Variants in PNPLA7 observed in about 807,000 individuals in gnomAD.
The protein encoded by PNPLA7 is patatin like domain 7, lysophospholipase.
PNPLA7 carries 153 observed loss-of-function variants against 161.7 expected under a neutral mutation model. The ratio of observed to expected loss-of-function variants is 0.95; its 90% CI spans 0.83 to 1.08. The LOEUF (loss-of-function observed/expected upper bound fraction) is 1.08. PNPLA7 is among the 50% of genes least tolerant of loss of function. The pLI, the probability that PNPLA7 is intolerant of heterozygous loss-of-function variation, is 0.00. For missense variants in PNPLA7, 1,739 were observed against 1,856.6 expected (o/e 0.94, Z 1.16); for synonymous variants, 809 against 782.1 (o/e 1.03, Z -0.57).
chr9:137,470,449 G>A (rs987493702), intron 25 of PNPLA7, among the ~76,000 whole-genome samples: 1 of 152,084 alleles, frequency 6.6e-6, no homozygotes, highest in Non-Finnish European at 1.5e-5. Context: ...CTGGCTGAGC[G>A]CAGCGGCTCA....
chr9:137,473,986 C>T (rs935529941), intron 25 of PNPLA7, among the ~76,000 whole-genome samples: 1 of 152,200 alleles, frequency 6.6e-6, no homozygotes, highest in Non-Finnish European at 1.5e-5. Flanking sequence ...CACCTGTAAT[C>T]CCGGCACTTT....
chr9:137,534,399 AAC>A (rs1416407092), intron 8 of PNPLA7, among the ~76,000 whole-genome samples: 4 of 144,994 alleles, frequency 2.8e-5, no homozygotes, highest in African/African-American at 1.0e-4. Context: ...GCTCCTCCCC[AAC>A]AGTGTCCACT....
chr9:137,489,154 T>C (rs188455086), intron 20 of PNPLA7, among the ~76,000 whole-genome samples: 3 of 151,510 alleles, frequency 2.0e-5, no homozygotes, highest in Non-Finnish European at 4.4e-5. Flanking sequence ...CAACTAGAGG[T>C]AGGAGATCAA....
chr9:137,522,470 G>A (rs545679236), intron 9 of PNPLA7, among the ~76,000 whole-genome samples: 2 of 152,210 alleles, frequency 1.3e-5, no homozygotes, highest in Non-Finnish European at 2.9e-5. Context: ...GGTTACAGGC[G>A]TGAGCCGCCG....
At chr9:137,510,468 C>T (rs1410585697) in intron 12 of PNPLA7, among the ~76,000 whole-genome samples, 1 of 152,196 alleles carries the variant, frequency 6.6e-6, no homozygotes, top group Non-Finnish European at 1.5e-5. Context: ...GTCTCCTCTC[C>T]CTCTCTGCCT....
Position 137,547,722 on chromosome 9 carries a change from A to G in PNPLA7, c.31-63T>C. 6.8e-7 allele frequency: 1 copy of G among 1,481,322 alleles called. No homozygotes were observed. The highest frequency in any genetic ancestry group is 9.4e-7 in the Non-Finnish European group (1 of 1,060,568). 91.8% of individuals were successfully genotyped at this position (1,481,322 alleles called of 1,614,324 possible). ...GGCTTCCCAGCCCGAACTTGTTCAG[A>G]GCAGCAGGAGGAGAGCTGGGAGTTA... On this transcript the variant is annotated intron_variant, in intron 1 of 34. Coordinates refer to ENST00000406427, the MANE Select transcript of PNPLA7 (RefSeq NM_001098537.3). This position sits in a 1 kb window ranked among gnomAD's most constrained non-coding sequence, Gnocchi z 4.6.
intron 1 of PNPLA7, among the ~76,000 whole-genome samples, chr9:137,548,545 C>T (rs967512654): frequency 6.6e-6 from 1 of 152,068 alleles, no homozygotes; most frequent in South Asian, 2.1e-4. Flanking sequence ...GTCAGGAGAT[C>T]GAGACCATCC....
rs1425659816 is a variant in PNPLA7 at position 137,547,708 on chromosome 9, C to A, written c.31-49G>T. 1 of 1,572,832 alleles carries A rather than the reference C, an allele frequency of 6.4e-7. No homozygotes were observed. The highest frequency in any genetic ancestry group is 1.1e-5 in the South Asian group (1 of 90,262). On this transcript the variant is annotated intron_variant, in intron 1 of 34. Transcript: ENST00000406427. The surrounding 1 kb of genome is among the most constrained non-coding windows in gnomAD (Gnocchi z 4.6). ...GGTGGGCATGGACAGGCTTCCCAGC[C>A]CGAACTTGTTCAGAGCAGCAGGAGG...
chr9:137,462,455 G>A, intron 30 of PNPLA7, 124 bp from the exon 31 acceptor site: 2 of 1,466,906 alleles, frequency 1.4e-6, no homozygotes, highest in Non-Finnish European at 1.8e-6. Context: ...GGGGGAGAGG[G>A]TAGCAGCACC....
intron 21 of PNPLA7, among the ~76,000 whole-genome samples, chr9:137,483,274 C>A (rs371031787): frequency 6.6e-6 from 1 of 152,106 alleles, no homozygotes; most frequent in Non-Finnish European, 1.5e-5. Context: ...TGACGCGGGA[C>A]AGCTCCACCG....
At chr9:137,473,393 T>C (rs1457614385) in intron 25 of PNPLA7, among the ~76,000 whole-genome samples, 1 of 151,918 alleles carries the variant, frequency 6.6e-6, no homozygotes. Context: ...AGATGAAGAG[T>C]ACCTCTGTGA....
At chr9:137,539,541 G>A (rs1481017063) in intron 8 of PNPLA7, among the ~76,000 whole-genome samples, 1 of 152,040 alleles carries the variant, frequency 6.6e-6, no homozygotes, top group Non-Finnish European at 1.5e-5. Flanking sequence ...AGCCAGGTAT[G>A]GTGGTGCACG....
intron 25 of PNPLA7, among the ~76,000 whole-genome samples, chr9:137,477,247 T>C (rs140163992): frequency 6.6e-6 from 1 of 152,364 alleles, no homozygotes; most frequent in Admixed American, 6.5e-5. Context: ...AGGGTATTTA[T>C]TCAAGTTCAG....
chr9:137,484,267 G>C (rs942663844), intron 21 of PNPLA7, among the ~76,000 whole-genome samples: 5 of 152,154 alleles, frequency 3.3e-5, no homozygotes, highest in Admixed American at 6.6e-5. Context: ...GAAATTTTTA[G>C]CATAACCTTA....
intron 21 of PNPLA7, among the ~76,000 whole-genome samples, chr9:137,482,675 C>A (rs1832278698): frequency 6.6e-6 from 1 of 152,194 alleles, no homozygotes; most frequent in Non-Finnish European, 1.5e-5. Context: ...CACACTGCAC[C>A]ACACACACCC....
intron 21 of PNPLA7, 66 bp from the exon 22 acceptor site, chr9:137,481,089 C>A: frequency 6.6e-7 from 1 of 1,507,388 alleles, no homozygotes; most frequent in South Asian, 1.2e-5. Context: ...AACAAGGCAC[C>A]GACACCCAGC....
intron 26 of PNPLA7, chr9:137,464,864 A>C (rs1463257981): frequency 2.3e-5 from 5 of 221,400 alleles, no homozygotes; most frequent in Non-Finnish European, 3.7e-5. Flanking sequence ...TTCCTGGGCC[A>C]GGGGGACACA....
intron 18 of PNPLA7, 95 bp from the exon 19 acceptor site, chr9:137,495,241 A>T: frequency 1.2e-6 from 1 of 805,334 alleles, no homozygotes; most frequent in South Asian, 1.7e-5. Flanking sequence ...CCAGAGCCAC[A>T]CATGACACCC....
intron 4 of PNPLA7, among the ~76,000 whole-genome samples, chr9:137,544,126 A>G (rs759398448): frequency 6.6e-6 from 1 of 152,002 alleles, no homozygotes; most frequent in Non-Finnish European, 1.5e-5. Context: ...TGGCTCTCAT[A>G]CTGGTCAACA....
Sources: allele counts gnomAD v4.1 joint callset (sites outside exome capture counted in the v4.1 genomes callset), GRCh38; gene constraint gnomAD v4.1.1; non-coding constraint Gnocchi (gnomAD v3.1); transcripts MANE v1.5; gene names NCBI Gene and HGNC (gene_info 2026-07-23, HGNC 2026-07-21).